Variants in SGCZ observed in about 807,000 individuals in gnomAD.
SGCZ encodes the protein zeta-sarcoglycan.
Under a neutral mutation model 41.3 loss-of-function variants are expected in SGCZ, and 40 were observed. The ratio of observed to expected loss-of-function variants is 0.97; its 90% CI spans 0.75 to 1.26. The LOEUF is 1.26. Ranked by LOEUF, SGCZ falls within the 50% of genes most tolerant of loss-of-function variation. The probability of loss-of-function intolerance (pLI) is 0.00; values close to 1 mark genes in which losing one functional copy is unlikely to be tolerated. For missense variants in SGCZ, 552 were observed against 369.8 expected, an observed-to-expected ratio of 1.49 and a Z score of -4.04; for synonymous variants, 206 against 137.5, an observed-to-expected ratio of 1.50 and a Z score of -3.49.
intron 1 of SGCZ, among the ~76,000 whole-genome samples, chr8:14,573,600 T>A (rs1391348361): frequency 1.3e-5 from 2 of 152,206 alleles, no homozygotes; most frequent in Admixed American, 1.3e-4. Context: ...ACTTGGATTA[T>A]AATAACTTTG....
At chr8:14,527,813 C>T (rs1416426630) in intron 2 of SGCZ, among the ~76,000 whole-genome samples, 2 of 152,004 alleles carry the variant, frequency 1.3e-5, no homozygotes, top group East Asian at 3.9e-4. Context: ...TAACCCATGT[C>T]CATAACAATT....
intron 1 of SGCZ, among the ~76,000 whole-genome samples, chr8:14,868,824 A>C (rs1212566138): frequency 6.6e-6 from 1 of 152,284 alleles, no homozygotes; most frequent in Non-Finnish European, 1.5e-5. Flanking sequence ...TACGCAAATA[A>C]ATTTGAAAAT....
At chr8:15,112,598 A>T (rs142378239) in intron 1 of SGCZ, among the ~76,000 whole-genome samples, 1 of 152,334 alleles carries the variant, frequency 6.6e-6, no homozygotes, top group African/African-American at 2.4e-5. Flanking sequence ...GCCTTAATAC[A>T]TAGGCAGTTT....
At chr8:15,072,123 T>G (rs1229161269) in intron 1 of SGCZ, among the ~76,000 whole-genome samples, 1 of 152,068 alleles carries the variant, frequency 6.6e-6, no homozygotes, top group African/African-American at 2.4e-5. Flanking sequence ...GGTGAAGTAC[T>G]CTCCATCTTC....
intron 3 of SGCZ, among the ~76,000 whole-genome samples, chr8:14,246,523 C>A (rs1254295751): frequency 2.0e-5 from 3 of 151,512 alleles, no homozygotes; most frequent in African/African-American, 7.3e-5. Flanking sequence ...GTGCAGCACA[C>A]CAGCATGGCA....
intron 1 of SGCZ, among the ~76,000 whole-genome samples, chr8:15,028,599 C>A (rs77847010): frequency 6.6e-6 from 1 of 152,052 alleles, no homozygotes; most frequent in Non-Finnish European, 1.5e-5. Context: ...GATAAACTTG[C>A]TGGTTGCTTC....
intron 5 of SGCZ, among the ~76,000 whole-genome samples, chr8:14,127,825 T>G (rs1172944598): frequency 6.6e-6 from 1 of 152,108 alleles, no homozygotes; most frequent in Non-Finnish European, 1.5e-5. Context: ...ATAGGTAAAC[T>G]CATGTCACAG....
At chr8:14,896,737 A>T (rs568554927) in intron 1 of SGCZ, among the ~76,000 whole-genome samples, 1 of 152,168 alleles carries the variant, frequency 6.6e-6, no homozygotes, top group Admixed American at 6.5e-5. Flanking sequence ...TCGGCCTCCC[A>T]AAGTGCTGGG....
intron 5 of SGCZ, among the ~76,000 whole-genome samples, chr8:14,136,813 G>A (rs1803213355): frequency 1.3e-5 from 2 of 152,182 alleles, no homozygotes; most frequent in Non-Finnish European, 2.9e-5. Flanking sequence ...CTCCCACCAT[G>A]GAGTTTGAGA....
At chr8:15,000,403 C>A (rs1011651221) in intron 1 of SGCZ, among the ~76,000 whole-genome samples, 1 of 152,158 alleles carries the variant, frequency 6.6e-6, no homozygotes, top group African/African-American at 2.4e-5. Context: ...ATCACTTAGG[C>A]AGATAGTAAG....
intron 2 of SGCZ, among the ~76,000 whole-genome samples, chr8:14,506,678 T>A (rs1249945307): frequency 2.2e-4 from 34 of 152,188 alleles, no homozygotes; most frequent in Non-Finnish European, 1.5e-5. Context: ...CCCTTCCCCA[T>A]TTATAATGCT....
chr8:14,653,564 A>C (rs1007670828), intron 1 of SGCZ, among the ~76,000 whole-genome samples: 1 of 152,110 alleles, frequency 6.6e-6, no homozygotes, highest in Non-Finnish European at 1.5e-5. Flanking sequence ...TGGGTACCAA[A>C]TGTTTCAACC....
intron 2 of SGCZ, among the ~76,000 whole-genome samples, chr8:14,381,639 T>G (rs1002758638): frequency 6.6e-6 from 1 of 151,340 alleles, no homozygotes; most frequent in Non-Finnish European, 1.5e-5. Context: ...ATTGGCTGGG[T>G]GTAGTCACGT....
At position 14,086,945 on chromosome 8, in the gene SGCZ, T is replaced by C. The variant is rs1801538207; in HGVS notation, c.*3498A>G. Among the ~76,000 whole-genome samples, 1 of 151,652 alleles carries C rather than the reference T, an allele frequency of 6.6e-6. No homozygotes were observed. Among genetic ancestry groups the C allele is most frequent in the Non-Finnish European group, 1.5e-5 (1 of 67,726 alleles). ...GGAAATGTCTAGTTTGATATACCCC[T>C]CTCACAGATAAGTGAACTGTGACCA... On this transcript the variant is annotated 3_prime_UTR_variant, in exon 8 of 8. Coordinates refer to ENST00000382080, the MANE Select transcript of SGCZ (RefSeq NM_139167.4).
chr8:14,927,099 A>ATTTT (rs1563368643), intron 1 of SGCZ, among the ~76,000 whole-genome samples: 1 of 129,634 alleles, frequency 7.7e-6, no homozygotes, highest in African/African-American at 2.9e-5. Flanking sequence ...AAAGTTCCTG[A>ATTTT]TTCTTTTTTT....
intron 1 of SGCZ, among the ~76,000 whole-genome samples, chr8:15,065,980 T>C (rs1805124901): frequency 6.6e-6 from 1 of 152,212 alleles, no homozygotes; most frequent in Non-Finnish European, 1.5e-5. Flanking sequence ...AAACTGTTAG[T>C]GACTTTATTC....
At chr8:14,561,652 C>A (rs1804210708) in intron 1 of SGCZ, among the ~76,000 whole-genome samples, 1 of 151,978 alleles carries the variant, frequency 6.6e-6, no homozygotes, top group Non-Finnish European at 1.5e-5. Flanking sequence ...TTAGCTAATA[C>A]TAAGGAAGTT....
chr8:14,098,640 G>C (rs961389722), intron 7 of SGCZ, among the ~76,000 whole-genome samples: 1 of 152,136 alleles, frequency 6.6e-6, no homozygotes, highest in South Asian at 2.1e-4. Context: ...CTACAGGCTG[G>C]GAGTTGAGTT....
chr8:14,784,966 TA>T (rs1166483444), intron 1 of SGCZ, among the ~76,000 whole-genome samples: 9 of 137,662 alleles, frequency 6.5e-5, no homozygotes, highest in Non-Finnish European at 1.1e-4. Flanking sequence ...TATATATATA[TA>T]ATATATATAT....
Sources: gnomAD v4.1 joint callset for allele counts (sites outside exome capture counted in the v4.1 genomes callset) on GRCh38, gnomAD v4.1.1 for gene constraint, MANE v1.5 for transcripts, NCBI Gene and HGNC (gene_info 2026-07-23, HGNC 2026-07-21) for gene names.